CERKL: variants seen among roughly 807,000 people sequenced by gnomAD.
CERKL encodes ceramide kinase-like protein.
Under a neutral mutation model 63.4 loss-of-function variants are expected in CERKL, and 61 were observed. The observed-to-expected ratio is 0.96, with a 90% CI of 0.78 to 1.19. The LOEUF (loss-of-function observed/expected upper bound fraction) is 1.19. Among genes scored for constraint, CERKL ranks in the 50% most tolerant of loss-of-function variants. The pLI is 0.00. For synonymous variants in CERKL, 250 were observed against 230.5 expected (o/e 1.08, Z -0.77); for missense variants, 675 against 655.5 (o/e 1.03, Z -0.33).
intron 3 of CERKL, among the ~76,000 whole-genome samples, chr2:181,572,047 T>C (rs112208597): frequency 2.3e-3 from 353 of 152,170 alleles, no homozygotes; most frequent in Non-Finnish European, 3.8e-3. Flanking sequence ...AGAGCAAAGT[T>C]ATGGCACAAA....
Position 181,627,263 on chromosome 2 carries a change from G to A in CERKL, c.239-23184C>T, listed in dbSNP as rs144124824. Among the ~76,000 whole-genome samples, 896 of 152,254 alleles carry A rather than the reference G, an allele frequency of 5.9e-3. 5 individuals carry two copies. Among genetic ancestry groups the A allele is most frequent in the Middle Eastern group, 0.034 (10 of 294 alleles). On this transcript the variant is annotated intron_variant, in intron 1 of 12. Transcript: ENST00000410087. ...ATTTTCAATTTACTGCCTTACAAAA[G>A]GGGGCATCCTGAGTGCCTCCTAAAG...
At chr2:181,596,984 C>A (rs1349702066) in intron 2 of CERKL, among the ~76,000 whole-genome samples, 1 of 152,078 alleles carries the variant, frequency 6.6e-6, no homozygotes, top group Non-Finnish European at 1.5e-5. Context: ...TTTATATTTT[C>A]AATTTCTCTT....
intron 5 of CERKL, among the ~76,000 whole-genome samples, chr2:181,556,737 A>G (rs1298533395): frequency 6.6e-6 from 1 of 152,232 alleles, no homozygotes; most frequent in Admixed American, 6.5e-5. Context: ...AGTATGATTT[A>G]TATTCCTTTG....
In CERKL at chr2:181,537,998, AAGAGAATCT is replaced by A; in HGVS notation, c.*177_*185del. 1 of 679,634 alleles carries A rather than the reference AAGAGAATCT, an allele frequency of 1.5e-6. No individual in the cohort carries two copies. Among genetic ancestry groups the A allele is most frequent in the East Asian group, 2.8e-5 (1 of 35,434 alleles). The allele number at this position is 679,634 out of a possible 1,614,324, so 42.1% of individuals were successfully genotyped here. A position where few individuals can be genotyped will look rare whatever the true frequency, so the allele number is the denominator to read the frequency against. On this transcript the variant is annotated 3_prime_UTR_variant, in exon 13 of 13. Transcript: ENST00000410087. ...AGGGATCTAGAGTGCCATGTTCCTC[AAGAGAATCT>A]AATGCCTGATGATCTGAGGTGGAAC... is the stretch of plus-strand genomic sequence containing the variant.
chr2:181,620,093 G>T (rs988090562), intron 1 of CERKL, among the ~76,000 whole-genome samples: 1 of 152,210 alleles, frequency 6.6e-6, no homozygotes, highest in African/African-American at 2.4e-5. Context: ...GAGAACAAAG[G>T]AAAAAGTGCT....
intron 3 of CERKL, among the ~76,000 whole-genome samples, chr2:181,573,061 G>A (rs1186109446): frequency 6.6e-6 from 1 of 151,958 alleles, no homozygotes; most frequent in Non-Finnish European, 1.5e-5. Flanking sequence ...AATAAAGCTA[G>A]GAAGGTTGCG....
At position 181,538,869 on chromosome 2, in the gene CERKL, C is replaced by T. The variant is rs1332742044; in HGVS notation, c.1538+223G>A. Among the ~76,000 whole-genome samples, 3 of 152,118 alleles carry T rather than the reference C, an allele frequency of 2.0e-5. No individual in the cohort carries two copies. The East Asian group carries it at 5.8e-4, about 29-fold the overall frequency. Reference sequence around the variant, plus strand: ...AAATTAGAAAGCCAATGTAGACACGCATAACCAAAGAAAATGCCTTGGGTC... The same window carrying T: ...AAATTAGAAAGCCAATGTAGACACGTATAACCAAAGAAAATGCCTTGGGTC... On this transcript the variant is annotated intron_variant, in intron 12 of 12. Transcript: ENST00000410087.
intron 1 of CERKL, among the ~76,000 whole-genome samples, chr2:181,618,314 G>T (rs1169525960): frequency 6.6e-6 from 1 of 150,788 alleles, no homozygotes; most frequent in Non-Finnish European, 1.5e-5. Flanking sequence ...ATTTAAAATA[G>T]AAGAGTGGTA....
At chr2:181,573,955 C>T (rs1689018427) in intron 2 of CERKL, 71 bp from the exon 3 acceptor site, 1 of 1,414,408 alleles carries the variant, frequency 7.1e-7, no homozygotes, top group Non-Finnish European at 9.9e-7. Context: ...TTTAAAATGA[C>T]ACACAAGTCT....
Position 181,657,028 on chromosome 2 carries a change from C to T in CERKL, c.-22G>A, listed in dbSNP as rs1290959049. The stretch of plus-strand genomic sequence containing the variant: ...GCATGGCGGAGTCGCAGGCTGGGCC[C>T]GAGCCAGGGGTCCGGGGAGGCCTTT... On this transcript the variant is annotated 5_prime_UTR_variant, in exon 1 of 13. Coordinates refer to ENST00000410087, the MANE Select transcript of CERKL (RefSeq NM_201548.5). The T allele has an allele frequency of 3.2e-6, 5 of 1,563,520 alleles. No individual in the cohort carries two copies. In the South Asian group the frequency reaches 4.6e-5, roughly 14 times the overall value.
In CERKL at chr2:181,566,007, G is replaced by T. The variant is rs540870845; in HGVS notation, c.677+51C>A. 17 of 1,183,872 alleles carry T rather than the reference G, an allele frequency of 1.4e-5. No individual in the cohort carries two copies. In the South Asian group the frequency reaches 1.6e-4, roughly 11 times the overall value. 73.3% of individuals were successfully genotyped at this position (1,183,872 alleles called of 1,614,324 possible). A position where few individuals can be genotyped will look rare whatever the true frequency, so the allele number is the denominator to read the frequency against. The stretch of plus-strand genomic sequence containing the variant: ...AAATATGTAGCTAAAACTAGTGAAG[G>T]CATTTAATACATAAATGATATAACA... On this transcript the variant is annotated intron_variant, in intron 4 of 12. Coordinates refer to ENST00000410087, the MANE Select transcript of CERKL (RefSeq NM_201548.5).
intron 4 of CERKL, among the ~76,000 whole-genome samples, chr2:181,562,004 G>T (rs1688471160): frequency 6.6e-6 from 1 of 151,954 alleles, no homozygotes; most frequent in Admixed American, 6.6e-5. Context: ...ACTAGAGATG[G>T]GGTTTTGCCA....
intron 1 of CERKL, among the ~76,000 whole-genome samples, chr2:181,651,374 CA>C (rs1553524611): frequency 6.6e-6 from 1 of 152,176 alleles, no homozygotes; most frequent in Non-Finnish European, 1.5e-5. Flanking sequence ...AATGGTTTAA[CA>C]TACACAAAGC....
intron 10 of CERKL, among the ~76,000 whole-genome samples, chr2:181,547,330 C>A (rs571821801): frequency 6.6e-6 from 1 of 152,218 alleles, no homozygotes; most frequent in Admixed American, 6.5e-5. Flanking sequence ...ATAATGTTCT[C>A]CACAACTAAA....
In CERKL at chr2:181,544,580, A is replaced by C. The variant is rs1687643502; in HGVS notation, c.1365+120T>G. 3 of 631,312 alleles carry C rather than the reference A, an allele frequency of 4.8e-6. 1 individual carries two copies. The South Asian group carries it at 6.2e-5, about 13-fold the overall frequency. 39.1% of individuals were successfully genotyped at this position (631,312 alleles called of 1,614,324 possible). On this transcript the variant is annotated intron_variant, in intron 11 of 12. Transcript: ENST00000410087. ...GAAATAGATTGGGAAAAAGAAGATT[A>C]ATATATTCAGAAGAAAATAAAACCT...
chr2:181,636,066 A>G (rs1370410984), intron 1 of CERKL, among the ~76,000 whole-genome samples: 2 of 152,216 alleles, frequency 1.3e-5, no homozygotes, highest in East Asian at 3.8e-4. Flanking sequence ...AAAGGGTTCA[A>G]CTTACAGTCC....
intron 4 of CERKL, among the ~76,000 whole-genome samples, chr2:181,563,627 T>A (rs1370791472): frequency 6.6e-6 from 1 of 152,076 alleles, no homozygotes; most frequent in Non-Finnish European, 1.5e-5. Context: ...CTGCACCTTT[T>A]CTATAAATTT....
intron 11 of CERKL, among the ~76,000 whole-genome samples, chr2:181,542,648 C>G (rs1262190019): frequency 6.6e-6 from 1 of 150,412 alleles, no homozygotes; most frequent in Non-Finnish European, 1.5e-5. Context: ...AAAAAAATAG[C>G]ATGGATTTTA....
At chr2:181,545,669 A>AG (rs1480636070) in intron 10 of CERKL, among the ~76,000 whole-genome samples, 1 of 152,200 alleles carries the variant, frequency 6.6e-6, no homozygotes, top group East Asian at 1.9e-4. Context: ...AGGCACACAG[A>AG]GAAAAAATGG....
Sources: allele counts gnomAD v4.1 joint callset (sites outside exome capture counted in the v4.1 genomes callset), GRCh38; gene constraint gnomAD v4.1.1; transcripts MANE v1.5; gene names NCBI Gene and HGNC (gene_info 2026-07-23, HGNC 2026-07-21).